The following SNX7 variants were observed in gnomAD, a reference collection of about 807,000 sequenced individuals.
SNX7 encodes sorting nexin-7.
In SNX7, 35 loss-of-function variants were observed where a neutral mutation model predicts 48.4. The observed-to-expected ratio is 0.72, with a 90% CI of 0.55 to 0.96. The LOEUF is 0.96. Among genes scored for constraint, SNX7 ranks in the 40% least tolerant of loss-of-function variants. The pLI is 0.00. For missense variants in SNX7, 553 were observed against 548.9 expected (o/e 1.01, Z -0.07); for synonymous variants, 190 against 190.2 (o/e 1.00, Z 0.01).
intron 5 of SNX7, 82 bp downstream of exon 5, chr1:98,695,798 ATTCAGTTAG>A: frequency 2.0e-6 from 2 of 981,628 alleles, no homozygotes; most frequent in South Asian, 1.4e-5. Context: ...ATATAGCAAC[ATTCAGTTAG>A]AATGTCAGCT....
At chr1:98,680,939 A>T (rs1021703406) in intron 1 of SNX7, among the ~76,000 whole-genome samples, 2 of 152,130 alleles carry the variant, frequency 1.3e-5, no homozygotes, top group African/African-American at 4.8e-5. Flanking sequence ...TTGCTTCCAC[A>T]TTTTCAGGTA....
chr1:98,722,657 G>A (rs1652946253), intron 7 of SNX7, among the ~76,000 whole-genome samples: 1 of 151,786 alleles, frequency 6.6e-6, no homozygotes, highest in Non-Finnish European at 1.5e-5. Context: ...TTCCATAAAA[G>A]GAAATAATAG....
intron 8 of SNX7, among the ~76,000 whole-genome samples, chr1:98,752,220 TGG>T (rs1306123357): frequency 4.6e-5 from 7 of 152,070 alleles, no homozygotes; most frequent in Non-Finnish European, 8.8e-5. Context: ...CCTAACTATA[TGG>T]TATAAACAAT....
At chr1:98,738,130 G>T in intron 7 of SNX7, 107 bp from the exon 8 acceptor site, 1 of 1,154,346 alleles carries the variant, frequency 8.7e-7, no homozygotes, top group East Asian at 2.5e-5. Flanking sequence ...AAACAAAAAA[G>T]AGTTATATTT....
In SNX7 at chr1:98,685,006, A is replaced by G. The variant is rs779637974; in HGVS notation, c.302A>G (p.Asp101Gly). ...TTAAAGGATCTCTTCATCACAGTTGATGAACCTGAAAGTCATGTTACTACA... is the reference window on the plus strand; with the variant it reads ...TTAAAGGATCTCTTCATCACAGTTGGTGAACCTGAAAGTCATGTTACTACA... Reference protein sequence around the residue: ...PDLKDLFITVDEPESHVTTIE... With the variant: ...PDLKDLFITVGEPESHVTTIE... Residue 101 changes from aspartate to glycine, a missense_variant, in exon 2 of 9, where the codon GAT becomes GGT. Physicochemically the swap from Asp to Gly is moderately conservative, Grantham distance 94. Coordinates refer to ENST00000306121, the MANE Select transcript of SNX7 (RefSeq NM_015976.5). 3.1e-6 allele frequency: 5 copies of G among 1,593,292 alleles called. No homozygotes were observed. In the South Asian group the frequency reaches 4.7e-5, roughly 15 times the overall value.
At chr1:98,738,151 G>T (rs2101034516) in intron 7 of SNX7, 86 bp from the exon 8 acceptor site, 3 of 1,357,292 alleles carry the variant, frequency 2.2e-6, no homozygotes, top group East Asian at 2.4e-5. Flanking sequence ...AGGCTGTTTT[G>T]GTATTTTGTT....
At chr1:98,739,134 A>C (rs1653941693) in intron 8 of SNX7, among the ~76,000 whole-genome samples, 1 of 152,116 alleles carries the variant, frequency 6.6e-6, no homozygotes, top group Admixed American at 6.5e-5. Context: ...CATTAGTTAA[A>C]TTGTCATAAG....
chr1:98,717,591 G>A (rs184819751), intron 7 of SNX7, among the ~76,000 whole-genome samples: 7 of 152,210 alleles, frequency 4.6e-5, no homozygotes, highest in Admixed American at 1.3e-4. Context: ...ATCAGAATTT[G>A]CACGTGATAA....
intron 7 of SNX7, among the ~76,000 whole-genome samples, chr1:98,723,467 T>C (rs1197537793): frequency 6.6e-6 from 1 of 152,132 alleles, no homozygotes; most frequent in Non-Finnish European, 1.5e-5. Context: ...TGGCCTTTTT[T>C]TTGGCCAGAA....
intron 8 of SNX7, among the ~76,000 whole-genome samples, chr1:98,754,393 G>A (rs1466831143): frequency 2.0e-5 from 3 of 152,028 alleles, no homozygotes; most frequent in African/African-American, 4.8e-5. Context: ...TTCTGGAAGA[G>A]ATTATATGGA....
In SNX7 at chr1:98,661,795, G is replaced by A. The variant is rs1314966088; in HGVS notation, c.64G>A (p.Gly22Arg). The A allele has an allele frequency of 5.6e-6, 7 of 1,244,408 alleles. No homozygotes were observed. The highest frequency in any genetic ancestry group is 4.2e-5 in the Admixed American group (1 of 23,632). The allele number at this position is 1,244,408 out of a possible 1,614,324, so 77.1% of individuals were successfully genotyped here. The change falls in exon 1 of 9, where the codon GGG (glycine) becomes AGG (arginine). Residue 22 changes from glycine to arginine, a missense_variant. Transcript: ENST00000306121. ...SSGLPAGGANGESPGGGAPFP... is the reference protein window; with the variant it reads ...SSGLPAGGANRESPGGGAPFP... ...GGGCCTCCCGGCCGGGGGCGCCAAC[G>A]GGGAGAGCCCGGGGGGCGGCGCCCC...
At chr1:98,740,243 C>T (rs575108835) in intron 8 of SNX7, among the ~76,000 whole-genome samples, 1 of 152,228 alleles carries the variant, frequency 6.6e-6, no homozygotes, top group South Asian at 2.1e-4. Flanking sequence ...TAATAAAGCA[C>T]ATTTATCAAC....
chr1:98,758,526 A>G (rs779318139), intron 8 of SNX7, among the ~76,000 whole-genome samples: 4 of 152,094 alleles, frequency 2.6e-5, no homozygotes, highest in Non-Finnish European at 5.9e-5. Flanking sequence ...GAATCAATTC[A>G]TTACAGTGAC....
intron 7 of SNX7, among the ~76,000 whole-genome samples, chr1:98,727,450 A>C (rs9324406): frequency 0.55 from 83,663 of 151,600 alleles, 24,109 homozygotes; most frequent in Non-Finnish European, 0.64. Context: ...AAACTAAAAA[A>C]GCCAGTGTAC....
In SNX7 at chr1:98,695,523, C is replaced by T; in HGVS notation, c.645C>T (p.Leu215=). The change falls in exon 5 of 9, where the codon CTC becomes CTT. Residue 215 remains leucine (L), a synonymous_variant. Transcript: ENST00000306121. ...KIFLTAQAWE[L]SSHKKQGPGL... ...ACTTGGTTTTTTGTTTCTAGGAACTCTCTTCTCACAAGAAGCAAGGTCCTG... is the reference window on the plus strand; with the variant it reads ...ACTTGGTTTTTTGTTTCTAGGAACTTTCTTCTCACAAGAAGCAAGGTCCTG... 6.2e-7 allele frequency: 1 copy of T among 1,613,102 alleles called. No individual in the cohort carries two copies. The highest frequency in any genetic ancestry group is 8.5e-7 in the Non-Finnish European group (1 of 1,179,746).
At chr1:98,728,111 G>GA (rs1653286801) in intron 7 of SNX7, among the ~76,000 whole-genome samples, 1 of 152,034 alleles carries the variant, frequency 6.6e-6, no homozygotes, top group South Asian at 2.1e-4. Context: ...CAAAATGAAG[G>GA]AAAAAATGTT....
rs780606125 is a variant in SNX7 at position 98,684,838 on chromosome 1, GTTTAA to G, written c.181-43_181-39del. 3 of 1,307,940 alleles carry G rather than the reference GTTTAA, an allele frequency of 2.3e-6. No homozygotes were observed. The African/African-American group carries it at 4.4e-5, about 19-fold the overall frequency. The allele number at this position is 1,307,940 out of a possible 1,614,324, so 81.0% of individuals were successfully genotyped here. The stretch of plus-strand genomic sequence containing the variant: ...ATTGATAGCATCTAGAAATAGAAGA[GTTTAA>G]TTTTTCTATTGATACTAATTTTTGA... On this transcript the variant is annotated intron_variant, in intron 1 of 8. Coordinates refer to ENST00000306121, the MANE Select transcript of SNX7 (RefSeq NM_015976.5).
chr1:98,677,674 T>C (rs1484940894), intron 1 of SNX7, among the ~76,000 whole-genome samples: 1 of 151,950 alleles, frequency 6.6e-6, no homozygotes, highest in Non-Finnish European at 1.5e-5. Flanking sequence ...GGTCAGGAGT[T>C]CAAGACCAGC....
At chr1:98,747,149 G>A (rs1037704471) in intron 8 of SNX7, among the ~76,000 whole-genome samples, 6 of 152,126 alleles carry the variant, frequency 3.9e-5, no homozygotes, top group Non-Finnish European at 7.4e-5. Flanking sequence ...GAAGTTCTCA[G>A]AGTACTTTAT....
Sources: allele counts gnomAD v4.1 joint callset (sites outside exome capture counted in the v4.1 genomes callset), GRCh38; gene constraint gnomAD v4.1.1; transcripts MANE v1.5; gene names NCBI Gene and HGNC (gene_info 2026-07-23, HGNC 2026-07-21).